Variants in CACNA2D1 observed in about 807,000 individuals in gnomAD.
CACNA2D1 encodes calcium voltage-gated channel auxiliary subunit alpha2delta 1.
In CACNA2D1, 53 loss-of-function variants were observed where a neutral mutation model predicts 171.5. The ratio of observed to expected loss-of-function variants is 0.31; its 90% CI spans 0.25 to 0.39. The LOEUF is 0.39. Ranked by LOEUF, CACNA2D1 falls within the 10% of genes least tolerant of loss-of-function variation. CACNA2D1 has a pLI of 1.00. For synonymous variants in CACNA2D1, 442 were observed against 443.1 expected, an observed-to-expected ratio of 1.00 and a Z score of 0.03; for missense variants, 903 against 1,299.8, an observed-to-expected ratio of 0.69 and a Z score of 4.69.
rs143084072 is a variant in CACNA2D1, at chr7:82,230,554, G to A, written c.295-59945C>T. 5.5e-3 allele frequency among the ~76,000 whole-genome samples: 833 copies of A among 152,012 alleles called. 4 individuals are homozygous for A. Among genetic ancestry groups the A allele is most frequent in the Non-Finnish European group, 7.6e-3 (519 of 67,982 alleles). ...AAATTATTCTTTAATTTAAAAAAAC[G>A]CGCAAGAATCATGTATTGGTCCTCA... On this transcript the variant is annotated intron_variant, in intron 3 of 38. Transcript: ENST00000356860.
chr7:82,358,255 AAC>A (rs1820687645), intron 1 of CACNA2D1, among the ~76,000 whole-genome samples: 1 of 152,222 alleles, frequency 6.6e-6, no homozygotes, highest in African/African-American at 2.4e-5. Context: ...GGGTAAAAAT[AAC>A]ACAAGTAAGC....
rs578040260 is a variant in CACNA2D1, at chr7:82,095,755, G to GAC, written c.527-10857_527-10856dup. ...GTTGGAAATAATTTTCATCATATCT[G>GAC]ACCAAGTACAAATGGTAGAACATTT... On this transcript the variant is annotated intron_variant, in intron 6 of 38. Coordinates refer to ENST00000356860, the MANE Select transcript of CACNA2D1 (RefSeq NM_000722.4). Among the ~76,000 whole-genome samples the GAC allele has an allele frequency of 2.8e-3, 430 of 152,254 alleles. 1 individual carries two copies. The highest frequency in any genetic ancestry group is 7.9e-3 in the South Asian group (38 of 4,826).
chr7:82,328,660 T>C (rs1816929757), intron 3 of CACNA2D1, among the ~76,000 whole-genome samples: 2 of 152,150 alleles, frequency 1.3e-5, no homozygotes, highest in Non-Finnish European at 2.9e-5. Context: ...CATGGATTTC[T>C]GCTTTTCTAG....
At chr7:81,994,246 T>C (rs548229197) in intron 20 of CACNA2D1, among the ~76,000 whole-genome samples, 29 of 152,268 alleles carry the variant, frequency 1.9e-4, no homozygotes, top group Admixed American at 1.7e-3. Context: ...ATCTGACTAA[T>C]AGACATAATC....
At chr7:82,391,412 TG>T (rs1182439028) in intron 1 of CACNA2D1, among the ~76,000 whole-genome samples, 1 of 152,228 alleles carries the variant, frequency 6.6e-6, no homozygotes, top group East Asian at 1.9e-4. Flanking sequence ...CCTGACTTTT[TG>T]CCCACTCATC....
At chr7:82,347,243 G>C (rs1819354561) in intron 2 of CACNA2D1, among the ~76,000 whole-genome samples, 1 of 151,996 alleles carries the variant, frequency 6.6e-6, no homozygotes, top group Non-Finnish European at 1.5e-5. Flanking sequence ...ATACAATAAA[G>C]CAATTTTCAC....
At chr7:82,130,071 A>T (rs1404975973) in intron 5 of CACNA2D1, among the ~76,000 whole-genome samples, 1 of 152,238 alleles carries the variant, frequency 6.6e-6, no homozygotes, top group Non-Finnish European at 1.5e-5. Flanking sequence ...ACGTGTTCTT[A>T]AACTATACTT....
intron 3 of CACNA2D1, among the ~76,000 whole-genome samples, chr7:82,249,700 A>G (rs897656232): frequency 1.2e-4 from 18 of 152,194 alleles, no homozygotes; most frequent in African/African-American, 4.3e-4. Flanking sequence ...CACCTATTAA[A>G]ATACCCTTGA....
At chr7:82,076,925 C>T (rs1041531551) in intron 7 of CACNA2D1, among the ~76,000 whole-genome samples, 1 of 152,130 alleles carries the variant, frequency 6.6e-6, no homozygotes, top group African/African-American at 2.4e-5. Flanking sequence ...GCCTTCTCTT[C>T]TTCATTGACT....
intron 1 of CACNA2D1, among the ~76,000 whole-genome samples, chr7:82,394,154 G>A (rs926758407): frequency 2.6e-5 from 4 of 152,106 alleles, no homozygotes; most frequent in African/African-American, 9.7e-5. Context: ...AAAATGGAGG[G>A]GGAGGGGTCA....
At chr7:82,008,049 C>T (rs983074247) in intron 15 of CACNA2D1, among the ~76,000 whole-genome samples, 1 of 152,114 alleles carries the variant, frequency 6.6e-6, no homozygotes, top group African/African-American at 2.4e-5. Flanking sequence ...AGCCTGTATG[C>T]ATTTCAGTAA....
intron 1 of CACNA2D1, among the ~76,000 whole-genome samples, chr7:82,412,344 A>C (rs1441814977): frequency 6.7e-6 from 1 of 148,280 alleles, no homozygotes; most frequent in African/African-American, 2.5e-5. Flanking sequence ...GTGCAAAGAC[A>C]CAACCTCAGC....
intron 1 of CACNA2D1, among the ~76,000 whole-genome samples, chr7:82,427,026 T>C (rs911353823): frequency 6.6e-6 from 1 of 152,288 alleles, no homozygotes; most frequent in South Asian, 2.1e-4. Flanking sequence ...AATGTATACA[T>C]AGGCAAAAAC....
chr7:82,332,485 G>A (rs950081433), intron 3 of CACNA2D1, among the ~76,000 whole-genome samples: 3 of 114,758 alleles, frequency 2.6e-5, no homozygotes, highest in East Asian at 4.5e-4. Context: ...AGAAAGAAAC[G>A]AAGCATAGAA....
chr7:82,336,832 A>G (rs2299171), intron 2 of CACNA2D1, among the ~76,000 whole-genome samples: 23,457 of 152,164 alleles, frequency 0.15, 1,975 homozygotes, highest in South Asian at 0.28. Context: ...AATAGAGCTA[A>G]TTGGTGTGAA....
At chr7:82,338,488 C>A (rs999806139) in intron 2 of CACNA2D1, among the ~76,000 whole-genome samples, 1 of 152,136 alleles carries the variant, frequency 6.6e-6, no homozygotes, top group Non-Finnish European at 1.5e-5. Context: ...TGCCACTGCA[C>A]CCAGCTAGAT....
At chr7:81,973,691 C>T (rs1450375412) in intron 25 of CACNA2D1, among the ~76,000 whole-genome samples, 1 of 151,736 alleles carries the variant, frequency 6.6e-6, no homozygotes, top group Admixed American at 6.6e-5. Context: ...ATAAATTTTG[C>T]CATGAATTTG....
At chr7:82,335,611 T>A (rs942480727) in intron 2 of CACNA2D1, among the ~76,000 whole-genome samples, 13 of 151,880 alleles carry the variant, frequency 8.6e-5, no homozygotes, top group African/African-American at 3.1e-4. Flanking sequence ...GAAGGCGAAA[T>A]GGAGCATGGG....
At chr7:82,024,147 T>A (rs897553053) in intron 12 of CACNA2D1, among the ~76,000 whole-genome samples, 1 of 145,822 alleles carries the variant, frequency 6.9e-6, no homozygotes, top group Non-Finnish European at 1.5e-5. Flanking sequence ...CTAACTTCAG[T>A]TTTTTTTTTG....
Sources: allele counts gnomAD v4.1 joint callset (sites outside exome capture counted in the v4.1 genomes callset), GRCh38; gene constraint gnomAD v4.1.1; transcripts MANE v1.5; gene names NCBI Gene and HGNC (gene_info 2026-07-23, HGNC 2026-07-21).